CCDC191: variants seen among roughly 807,000 people sequenced by gnomAD.
CCDC191 encodes coiled-coil domain-containing protein 191.
A neutral mutation model predicts 114.0 loss-of-function variants in CCDC191; 99 were observed. That is an observed-to-expected ratio of 0.87 (90% CI 0.74 to 1.03). CCDC191 has a LOEUF of 1.03. CCDC191 is among the 50% of genes least tolerant of loss of function. The pLI is 0.00. For synonymous variants in CCDC191, 351 were observed against 376.0 expected (o/e 0.93, Z 0.77); for missense variants, 973 against 1,087.0 (o/e 0.90, Z 1.47).
At chr3:114,018,612 TG>T in intron 8 of CCDC191, 65 bp downstream of exon 8, 1 of 1,293,056 alleles carries the variant, frequency 7.7e-7, no homozygotes, top group Non-Finnish European at 1.1e-6. Flanking sequence ...AGTTTATTTG[TG>T]GATTCTTCAG....
chr3:113,998,592 C>G (rs2075785162), intron 13 of CCDC191, among the ~76,000 whole-genome samples: 1 of 152,142 alleles, frequency 6.6e-6, no homozygotes, highest in African/African-American at 2.4e-5. Context: ...ACCAGCTGAC[C>G]TGACTAAAGG....
At chr3:114,051,700 T>G (rs910241009) in intron 2 of CCDC191, among the ~76,000 whole-genome samples, 23 of 152,328 alleles carry the variant, frequency 1.5e-4, no homozygotes, top group African/African-American at 5.3e-4. Flanking sequence ...TTTCCATATA[T>G]TCTCCCCTTC....
chr3:113,976,708 C>CTGTT (rs369244750), intron 16 of CCDC191, among the ~76,000 whole-genome samples: 26 of 151,792 alleles, frequency 1.7e-4, no homozygotes, highest in African/African-American at 5.8e-4. Context: ...CTATAGTACC[C>CTGTT]TGTTTAGTCT....
intron 10 of CCDC191, 32 bp from the exon 11 acceptor site, chr3:114,004,778 C>T: frequency 6.3e-7 from 1 of 1,594,998 alleles, no homozygotes; most frequent in South Asian, 1.1e-5. Flanking sequence ...GGAATTTAGA[C>T]TACTAACCAG....
chr3:114,045,278 T>C (rs2076613970), intron 3 of CCDC191, among the ~76,000 whole-genome samples: 1 of 152,160 alleles, frequency 6.6e-6, no homozygotes, highest in African/African-American at 2.4e-5. Context: ...CCACTCACCA[T>C]TACTGCTCAC....
rs145284302 is a variant in CCDC191 at position 114,026,258 on chromosome 3, G to C, written c.972+5368C>G. ...AATGGGACATCTGGGTTACTTACAG[G>C]GTCAGGAAAGAAAGAACATAACAAA... On this transcript the variant is annotated intron_variant, in intron 7 of 16. Coordinates refer to ENST00000295878, the MANE Select transcript of CCDC191 (RefSeq NM_020817.2). Among the ~76,000 whole-genome samples, 76 of 152,210 alleles carry C rather than the reference G, an allele frequency of 5.0e-4. 1 individual carries two copies. In the East Asian group the frequency reaches 0.013, roughly 27 times the overall value.
intron 16 of CCDC191, among the ~76,000 whole-genome samples, chr3:113,969,279 ACT>A (rs1046076687): frequency 6.6e-6 from 1 of 151,370 alleles, no homozygotes; most frequent in African/African-American, 2.4e-5. Flanking sequence ...GTTTGCAAAT[ACT>A]CTCTCTCTCT....
Position 114,006,617 on chromosome 3 carries a change from T to TAAATAA in CCDC191, c.1414-656_1414-655insTTATTT, listed in dbSNP as rs1553747225. On this transcript the variant is annotated intron_variant, in intron 9 of 16. Coordinates refer to ENST00000295878, the MANE Select transcript of CCDC191 (RefSeq NM_020817.2). The stretch of plus-strand genomic sequence containing the variant: ...ATATATATATATATATATATATATA[T>TAAATAA]AAATATATATATTTTATATATAAAA... Among the ~76,000 whole-genome samples the TAAATAA allele has an allele frequency of 4.2e-5, 5 of 118,422 alleles. No individual in the cohort carries two copies. In the East Asian group the frequency reaches 9.8e-4, roughly 23 times the overall value. The allele number at this position is 118,422 out of a possible 152,430, so 77.7% of individuals were successfully genotyped here.
intron 13 of CCDC191, among the ~76,000 whole-genome samples, chr3:113,985,206 T>C (rs1286056780): frequency 6.6e-6 from 1 of 151,954 alleles, no homozygotes; most frequent in African/African-American, 2.4e-5. Context: ...CACAGAAAGT[T>C]TGCACCATGG....
chr3:113,971,514 C>T (rs1940819309), intron 16 of CCDC191, among the ~76,000 whole-genome samples: 1 of 152,176 alleles, frequency 6.6e-6, no homozygotes, highest in Non-Finnish European at 1.5e-5. Flanking sequence ...ATCCTTGGAT[C>T]CCTGGGATAA....
chr3:114,050,520 T>G (rs1384573840), intron 2 of CCDC191, among the ~76,000 whole-genome samples: 1 of 152,126 alleles, frequency 6.6e-6, no homozygotes, highest in Non-Finnish European at 1.5e-5. Flanking sequence ...GTAAGGGGGA[T>G]TTGTCCACTT....
At chr3:114,003,137 G>A (rs1435439623) in intron 11 of CCDC191, 2 of 985,302 alleles carry the variant, frequency 2.0e-6, no homozygotes, top group East Asian at 2.3e-4. Context: ...ATGAATTTGA[G>A]TGTCAGACTC....
At chr3:114,020,979 A>G (rs2076235832) in intron 7 of CCDC191, among the ~76,000 whole-genome samples, 1 of 152,146 alleles carries the variant, frequency 6.6e-6, no homozygotes, top group Non-Finnish European at 1.5e-5. Context: ...ATTATGATTT[A>G]CTTCACCAAG....
chr3:114,020,218 C>G (rs984680735), intron 7 of CCDC191, among the ~76,000 whole-genome samples: 1 of 152,080 alleles, frequency 6.6e-6, no homozygotes, highest in Non-Finnish European at 1.5e-5. Flanking sequence ...GGACTCTGCA[C>G]AAAATTGTTT....
At chr3:114,029,791 G>A (rs998085524) in intron 7 of CCDC191, among the ~76,000 whole-genome samples, 2 of 151,904 alleles carry the variant, frequency 1.3e-5, no homozygotes, top group Non-Finnish European at 2.9e-5. Flanking sequence ...AAGCAAGGGG[G>A]AGAAAACATA....
chr3:114,034,910 A>G lies in CCDC191; in HGVS notation c.818+15T>C, dbSNP rs2076460049. On this transcript the variant is annotated intron_variant, in intron 6 of 16. Transcript: ENST00000295878. Reference sequence around the variant, plus strand: ...TAAACAGAGAAACCCCACAGTGCTTATCACACTGGCTTACATTTTCCATGC... The same window carrying G: ...TAAACAGAGAAACCCCACAGTGCTTGTCACACTGGCTTACATTTTCCATGC... 4 of 1,609,602 alleles carry G rather than the reference A, an allele frequency of 2.5e-6. No homozygotes were observed. The highest frequency in any genetic ancestry group is 2.7e-5 in the African/African-American group (2 of 74,900).
In CCDC191 at chr3:114,053,626, C is replaced by G. The variant is rs761762816; in HGVS notation, c.100G>C (p.Gly34Arg). The stretch of plus-strand genomic sequence containing the variant: ...ATCCAGTGTTCCACACTGTCAGGAC[C>G]AAAAGTAGGCTGTAGATAACATATA... ...TRKPSPKPTF[G>R]PDSVEHWIKR... The change falls in exon 2 of 17, where the codon GGT (glycine) becomes CGT (arginine). Residue 34 changes from glycine (G) to arginine (R), a missense_variant. Coordinates refer to ENST00000295878, the MANE Select transcript of CCDC191 (RefSeq NM_020817.2). The G allele has an allele frequency of 1.3e-6, 2 of 1,588,534 alleles. No individual in the cohort carries two copies. Among genetic ancestry groups the G allele is most frequent in the Non-Finnish European group, 1.7e-6 (2 of 1,160,268 alleles).
chr3:114,056,514 T>C lies in CCDC191; in HGVS notation c.-48A>G. 6.2e-7 allele frequency: 1 copy of C among 1,613,158 alleles called. No homozygotes were observed. The highest frequency in any genetic ancestry group is 1.3e-5 in the African/African-American group (1 of 75,054). Reference sequence around the variant, plus strand: ...TCGGCCAAAGCTGCAGCAACCGCCCTTCTGCCCGGGCTGCCTCCGGGTCAC... The same window carrying C: ...TCGGCCAAAGCTGCAGCAACCGCCCCTCTGCCCGGGCTGCCTCCGGGTCAC... On this transcript the variant is annotated 5_prime_UTR_variant, in exon 1 of 17. Transcript: ENST00000295878.
chr3:114,046,227 T>C (rs1248150970), intron 3 of CCDC191, among the ~76,000 whole-genome samples: 10 of 152,206 alleles, frequency 6.6e-5, no homozygotes, highest in African/African-American at 2.4e-4. Flanking sequence ...TTAAACTGTT[T>C]TTAGGGTCTC....
Sources: allele counts gnomAD v4.1 joint callset (sites outside exome capture counted in the v4.1 genomes callset), GRCh38; gene constraint gnomAD v4.1.1; transcripts MANE v1.5; gene names NCBI Gene and HGNC (gene_info 2026-07-23, HGNC 2026-07-21).